MTMR4: variants seen among roughly 807,000 people sequenced by gnomAD.
MTMR4 encodes the protein phosphatidylinositol-3,5-bisphosphate 3-phosphatase MTMR4.
In MTMR4, 30 loss-of-function variants were observed where a neutral mutation model predicts 125.5. That is an observed-to-expected ratio of 0.24 (90% CI 0.18 to 0.32). The LOEUF (loss-of-function observed/expected upper bound fraction) is 0.32. Ranked by LOEUF, MTMR4 falls within the 10% of genes least tolerant of loss-of-function variation. The pLI is 1.00. For missense variants in MTMR4, 1,039 were observed against 1,511.5 expected (o/e 0.69, Z 5.18); for synonymous variants, 498 against 564.5 (o/e 0.88, Z 1.67).
chr17:58,494,980 G>A lies in MTMR4; in HGVS notation c.3204C>T (p.His1068=), dbSNP rs780819308. 1 of 1,614,224 alleles carries A rather than the reference G, an allele frequency of 6.2e-7. No individual in the cohort carries two copies. The highest frequency in any genetic ancestry group is 2.2e-5 in the East Asian group (1 of 44,882). The change falls in exon 15 of 18, where the codon CAC becomes CAT. Residue 1068 remains histidine (H), a synonymous_variant. Coordinates refer to ENST00000682306, the MANE Select transcript of MTMR4 (RefSeq NM_001378067.1). Reference sequence around the variant, plus strand: ...GGGGCTCTGCTGGAGGGGCACAGCAGTGACGGATGTCCAGCCTCATCTGAA... The same window carrying A: ...GGGGCTCTGCTGGAGGGGCACAGCAATGACGGATGTCCAGCCTCATCTGAA... ...RELQMRLDIR[H]CCAPPAEPPM...
intron 9 of MTMR4, 91 bp from the exon 10 acceptor site, chr17:58,505,674 G>A (rs1975761607): frequency 2.6e-6 from 2 of 755,086 alleles, no homozygotes; most frequent in Admixed American, 1.9e-5. Flanking sequence ...TTGGGAGGCT[G>A]AAGCGGTTGG....
chr17:58,501,187 C>A (rs994602238), intron 14 of MTMR4, among the ~76,000 whole-genome samples: 2 of 152,098 alleles, frequency 1.3e-5, no homozygotes, highest in Non-Finnish European at 2.9e-5. Context: ...AATATTCAAC[C>A]AATAACATAT....
chr17:58,499,182 C>T (rs924932958), intron 14 of MTMR4, among the ~76,000 whole-genome samples: 6 of 151,904 alleles, frequency 3.9e-5, no homozygotes, highest in Non-Finnish European at 7.4e-5. Flanking sequence ...CCTATATTTC[C>T]ACTATTCCTT....
Position 58,504,039 on chromosome 17 carries a change from C to T in MTMR4, c.1698+11G>A, listed in dbSNP as rs1975711377. ...CTAAATAGCACCTACAGGAAAAGGG[C>T]TCAGACTCACCATGTCTGAGCTGGG... On this transcript the variant is annotated intron_variant, in intron 13 of 17. Transcript: ENST00000682306. This position sits in a 1 kb window ranked among gnomAD's most constrained non-coding sequence, Gnocchi z 7.1. 6 of 1,543,046 alleles carry T rather than the reference C, an allele frequency of 3.9e-6. No individual in the cohort carries two copies. The highest frequency in any genetic ancestry group is 5.2e-6 in the Non-Finnish European group (6 of 1,146,666).
In MTMR4 at chr17:58,507,175, G is replaced by A; in HGVS notation, c.852C>T (p.Gly284=). 1 of 1,614,134 alleles carries A rather than the reference G, an allele frequency of 6.2e-7. No homozygotes were observed. Among genetic ancestry groups the A allele is most frequent in the Non-Finnish European group, 8.5e-7 (1 of 1,180,030 alleles). Residue 284 remains glycine, a synonymous_variant, in exon 8 of 18, where the codon GGC becomes GGT. Coordinates refer to ENST00000682306, the MANE Select transcript of MTMR4 (RefSeq NM_001378067.1). ...ALDPGTRATG[G]SLSTGNNDTS... is the part of the protein sequence containing the mutation. ...TATCATTATTCCCGGTGCTGAGGGAGCCCCCAGTGGCCCTTGTCCCCGGGT... is the reference window on the plus strand; with the variant it reads ...TATCATTATTCCCGGTGCTGAGGGAACCCCCAGTGGCCCTTGTCCCCGGGT...
At position 58,505,051 on chromosome 17, in the gene MTMR4, C is replaced by G; in HGVS notation, c.1146-77G>C. ...AGTCTCTCCACCATCCACAGCCAGC[C>G]CCACCCAACAAAGTCCCCATTGAGA... On this transcript the variant is annotated intron_variant, in intron 10 of 17. Transcript: ENST00000682306. The G allele has an allele frequency of 2.1e-6, 3 of 1,400,050 alleles. No individual in the cohort carries two copies. In the South Asian group the frequency reaches 4.2e-5, roughly 19 times the overall value. 86.7% of individuals were successfully genotyped at this position (1,400,050 alleles called of 1,614,324 possible).
rs762195762 is a variant in MTMR4, at chr17:58,495,784, A to G, written c.2400T>C (p.Pro800=). Residue 800 remains proline (P), a synonymous_variant, in exon 15 of 18, where the codon CCT becomes CCC. Transcript: ENST00000682306. ...GCTGGGCCTGTTGGGGCGTACCTGT[A>G]GGAGAGTTCTGGGAAGACTCAGGAA... ...CNFPESSQNS[P]TGTPQQAQPD... is the part of the protein sequence containing the mutation. 3.7e-6 allele frequency: 6 copies of G among 1,614,176 alleles called. No homozygotes were observed. The highest frequency in any genetic ancestry group is 5.1e-6 in the Non-Finnish European group (6 of 1,180,040).
At chr17:58,507,081 G>A in intron 8 of MTMR4, 42 bp downstream of exon 8, 2 of 1,610,064 alleles carry the variant, frequency 1.2e-6, no homozygotes, top group Non-Finnish European at 1.7e-6. Context: ...AAGCCAAGGA[G>A]GGGGCCTGCT....
In MTMR4 at chr17:58,504,071, G is replaced by C; in HGVS notation, c.1677C>G (p.Leu559=). The change falls in exon 13 of 18, where the codon CTC becomes CTG. Residue 559 remains leucine, a synonymous_variant. Coordinates refer to ENST00000682306, the MANE Select transcript of MTMR4 (RefSeq NM_001378067.1). This position sits in a 1 kb window ranked among gnomAD's most constrained non-coding sequence, Gnocchi z 7.1. ...RAGNKNFHNF[L]YTPSSDMVLH... ...TCACCATGTCTGAGCTGGGTGTGTA[G>C]AGGAAGTTATGAAAGTTTTTATTGC... 1 of 1,572,482 alleles carries C rather than the reference G, an allele frequency of 6.4e-7. No homozygotes were observed. Among genetic ancestry groups the C allele is most frequent in the Admixed American group, 1.9e-5 (1 of 53,198 alleles).
At position 58,489,597 on chromosome 17, in the gene MTMR4, A is replaced by G. The variant is rs1349785069; in HGVS notation, c.*2066T>C. The G allele has an allele frequency of 6.6e-6, 1 of 152,228 alleles. No individual in the cohort carries two copies. Among genetic ancestry groups the G allele is most frequent in the Non-Finnish European group, 1.5e-5 (1 of 68,044 alleles). The allele number at this position is 152,228 out of a possible 1,614,324, so 9.4% of individuals were successfully genotyped here. On this transcript the variant is annotated 3_prime_UTR_variant, in exon 18 of 18. Coordinates refer to ENST00000682306, the MANE Select transcript of MTMR4 (RefSeq NM_001378067.1). Reference sequence around the variant, plus strand: ...TTTTACAGCACATTGCATGTTTGTCACAACGCAACTGCACAGTTTGGATTT... The same window carrying G: ...TTTTACAGCACATTGCATGTTTGTCGCAACGCAACTGCACAGTTTGGATTT...
chr17:58,506,044 C>T (rs1256833040), intron 9 of MTMR4, among the ~76,000 whole-genome samples: 1 of 152,204 alleles, frequency 6.6e-6, no homozygotes, highest in African/African-American at 2.4e-5. Context: ...ATCTGAATCA[C>T]ACTTGTATCT....
chr17:58,507,955 T>A (rs1013478322), intron 7 of MTMR4: 69 of 447,926 alleles, frequency 1.5e-4, no homozygotes, highest in Non-Finnish European at 2.5e-4. Flanking sequence ...ACACACACAC[T>A]CTAAAAAAAG....
At position 58,508,369 on chromosome 17, in the gene MTMR4, C is replaced by G; in HGVS notation, c.594-95G>C. On this transcript the variant is annotated intron_variant, in intron 6 of 17. Transcript: ENST00000682306. The surrounding 1 kb of genome is among the most constrained non-coding windows in gnomAD (Gnocchi z 4.8). ...GCTTTGTGGGAAGAGAAACCATGAGCCTTCCTCCCTCTCAGACTCAGAAGC... is the reference window on the plus strand; with the variant it reads ...GCTTTGTGGGAAGAGAAACCATGAGGCTTCCTCCCTCTCAGACTCAGAAGC... 8 of 1,538,268 alleles carry G rather than the reference C, an allele frequency of 5.2e-6. No individual in the cohort carries two copies. In the South Asian group the frequency reaches 9.0e-5, roughly 17 times the overall value.
Position 58,512,886 on chromosome 17 carries a change from G to A in MTMR4, c.101C>T (p.Pro34Leu), listed in dbSNP as rs752406126. ...EYIQAKDLFP[P>L]KELVKEEENL... ...CTCTTCCTCCTTCACTAGTTCCTTG[G>A]GGGGGAACAGATCCTTGGCTTGGAT... The change falls in exon 2 of 18, where the codon CCC becomes CTC. Residue 34 changes from proline to leucine, a missense_variant. By Grantham distance (98) the Pro-to-Leu change is moderately conservative (BLOSUM62 -3). Transcript: ENST00000682306. This position sits in a 1 kb window ranked among gnomAD's most constrained non-coding sequence, Gnocchi z 4.1. 1.2e-6 allele frequency: 2 copies of A among 1,612,666 alleles called. No individual in the cohort carries two copies. Among genetic ancestry groups the A allele is most frequent in the South Asian group, 1.1e-5 (1 of 90,972 alleles).
In MTMR4 at chr17:58,506,787, G is replaced by T; in HGVS notation, c.989C>A (p.Ala330Glu). 1 of 1,613,996 alleles carries T rather than the reference G, an allele frequency of 6.2e-7. No individual in the cohort carries two copies. Reference protein sequence around the residue: ...LLILDARSYTAAVANRAKGGG... With the variant: ...LLILDARSYTEAVANRAKGGG... The stretch of plus-strand genomic sequence containing the variant: ...ACCCTTGGCCCGGTTGGCCACTGCT[G>T]CCGTGTAGGATCGCGCATCCAGGAT... Residue 330 changes from alanine (A) to glutamate (E), a missense_variant, in exon 9 of 18, where the codon GCA (alanine) becomes GAA (glutamate). By Grantham distance (107) the Ala-to-Glu change is moderately radical. Coordinates refer to ENST00000682306, the MANE Select transcript of MTMR4 (RefSeq NM_001378067.1).
intron 14 of MTMR4, among the ~76,000 whole-genome samples, chr17:58,497,835 T>C (rs918476010): frequency 7.5e-6 from 1 of 133,334 alleles, no homozygotes; most frequent in Non-Finnish European, 1.7e-5. Flanking sequence ...TGAATAAGAA[T>C]GGCCAAGAGT....
chr17:58,502,311 C>T (rs1249202396), intron 14 of MTMR4, among the ~76,000 whole-genome samples: 1 of 151,960 alleles, frequency 6.6e-6, no homozygotes, highest in East Asian at 1.9e-4. Context: ...GTGCCTGCCA[C>T]CATGCCCGGC....
chr17:58,506,067 G>A (rs1055846931), intron 9 of MTMR4, among the ~76,000 whole-genome samples: 1 of 152,184 alleles, frequency 6.6e-6, no homozygotes, highest in African/African-American at 2.4e-5. Flanking sequence ...GGAGACTCAG[G>A]TGCCATATAT....
upstream of MTMR4, among the ~76,000 whole-genome samples, chr17:58,515,493 G>C (rs1976063003): frequency 6.6e-6 from 1 of 152,186 alleles, no homozygotes; most frequent in Non-Finnish European, 1.5e-5. Context: ...CATCTACAAT[G>C]AGCCAGGCAG....
Sources: allele counts gnomAD v4.1 joint callset (sites outside exome capture counted in the v4.1 genomes callset), GRCh38; gene constraint gnomAD v4.1.1; non-coding constraint Gnocchi (gnomAD v3.1); transcripts MANE v1.5; gene names NCBI Gene and HGNC (gene_info 2026-07-23, HGNC 2026-07-21).